Variants in CDH2 observed in about 807,000 individuals in gnomAD.
CDH2 encodes cadherin 2.
In CDH2, 17 loss-of-function variants were observed where a neutral mutation model predicts 92.0. That is an observed-to-expected ratio of 0.18 (90% CI 0.13 to 0.28). The LOEUF (loss-of-function observed/expected upper bound fraction) is 0.28. Among genes scored for constraint, CDH2 ranks in the 10% least tolerant of loss-of-function variants. The probability of loss-of-function intolerance (pLI) is 1.00; values close to 1 mark genes in which losing one functional copy is unlikely to be tolerated. For missense variants in CDH2, 862 were observed against 1,133.1 expected, an observed-to-expected ratio of 0.76 and a Z score of 3.44; for synonymous variants, 419 against 415.9, an observed-to-expected ratio of 1.01 and a Z score of -0.09.
At chr18:28,103,197 TTATATA>T (rs894555706) in intron 2 of CDH2, among the ~76,000 whole-genome samples, 1 of 144,588 alleles carries the variant, frequency 6.9e-6, no homozygotes, top group Non-Finnish European at 1.5e-5. Flanking sequence ...AAAAACTCCT[TTATATA>T]TATATAAAGT....
At chr18:28,172,491 A>G (rs1308854214) in intron 1 of CDH2, among the ~76,000 whole-genome samples, 3 of 152,154 alleles carry the variant, frequency 2.0e-5, no homozygotes, top group Non-Finnish European at 4.4e-5. Context: ...TCTTTTTCTG[A>G]AAAATTAAAA....
At chr18:28,113,053 A>G (rs2015438052) in intron 2 of CDH2, among the ~76,000 whole-genome samples, 1 of 152,174 alleles carries the variant, frequency 6.6e-6, no homozygotes, top group African/African-American at 2.4e-5. Flanking sequence ...ATCTCCTTTC[A>G]ATACAACTGA....
At chr18:28,115,592 A>T (rs963637232) in intron 2 of CDH2, among the ~76,000 whole-genome samples, 1 of 152,144 alleles carries the variant, frequency 6.6e-6, no homozygotes, top group Non-Finnish European at 1.5e-5. Flanking sequence ...CTGAGGATAG[A>T]CAGAAGATGG....
intron 1 of CDH2, among the ~76,000 whole-genome samples, chr18:28,175,681 G>A (rs1185191120): frequency 4.6e-5 from 7 of 152,182 alleles, no homozygotes; most frequent in Admixed American, 1.3e-4. Context: ...ACGGAGCGGG[G>A]TAATCCACAC....
At chr18:27,984,964 G>A (rs529051710) in intron 13 of CDH2, 36 bp downstream of exon 13, 18 of 1,519,646 alleles carry the variant, frequency 1.2e-5, no homozygotes, top group Middle Eastern at 1.7e-4. Context: ...TAGAAGCCAA[G>A]AGAACTGAAA....
intron 2 of CDH2, among the ~76,000 whole-genome samples, chr18:28,066,903 A>T (rs1273614149): frequency 6.6e-6 from 1 of 152,110 alleles, no homozygotes; most frequent in Non-Finnish European, 1.5e-5. Flanking sequence ...TTTAAGTAAA[A>T]CTCAAAATAA....
At chr18:28,103,171 T>C (rs924587846) in intron 2 of CDH2, among the ~76,000 whole-genome samples, 2 of 146,274 alleles carry the variant, frequency 1.4e-5, no homozygotes, top group African/African-American at 2.5e-5. Context: ...TTTATATATA[T>C]ATAAAGTATA....
chr18:27,938,679 A>G (rs1259424319), intron 6 of CDH2, among the ~76,000 whole-genome samples: 3 of 152,278 alleles, frequency 2.0e-5, no homozygotes, highest in African/African-American at 4.8e-5. Context: ...TATGTTCTAG[A>G]TATTTCCCTT....
At chr18:27,956,086 G>A (rs1250211985) in intron 15 of CDH2, among the ~76,000 whole-genome samples, 16 of 152,236 alleles carry the variant, frequency 1.1e-4, no homozygotes, top group African/African-American at 3.4e-4. Context: ...TAACAGGCAC[G>A]AAATCTGAGT....
intron 1 of CDH2, among the ~76,000 whole-genome samples, chr18:28,175,382 G>C (rs1249548634): frequency 3.3e-5 from 5 of 152,188 alleles, no homozygotes; most frequent in African/African-American, 1.2e-4. Context: ...AGAAATCCAA[G>C]AAAGGGAAAA....
chr18:28,071,211 G>A (rs1309454677), intron 2 of CDH2, among the ~76,000 whole-genome samples: 1 of 151,934 alleles, frequency 6.6e-6, no homozygotes, highest in African/African-American at 2.4e-5. Flanking sequence ...ACGGTTTTCT[G>A]CCAATTTTTG....
chr18:28,093,308 A>C (rs151097886), intron 2 of CDH2, among the ~76,000 whole-genome samples: 11 of 152,170 alleles, frequency 7.2e-5, no homozygotes, highest in African/African-American at 1.9e-4. Context: ...GATAAATAAA[A>C]ACAAAGCCCA....
intron 15 of CDH2, among the ~76,000 whole-genome samples, chr18:27,960,033 CACACACACACACACAA>C (rs957570541): frequency 5.9e-5 from 9 of 151,736 alleles, no homozygotes; most frequent in Non-Finnish European, 1.3e-4. Context: ...CACACACACA[CACACACACACACACAA>C]ACACACACTC....
At chr18:27,964,348 C>G (rs1016382170) in intron 14 of CDH2, among the ~76,000 whole-genome samples, 1 of 152,160 alleles carries the variant, frequency 6.6e-6, no homozygotes, top group African/African-American at 2.4e-5. Flanking sequence ...GCTCAGACAT[C>G]TGGACAGGAA....
At chr18:28,105,815 T>C (rs1377511099) in intron 2 of CDH2, among the ~76,000 whole-genome samples, 1 of 152,222 alleles carries the variant, frequency 6.6e-6, no homozygotes, top group Non-Finnish European at 1.5e-5. Context: ...CTAATACGTC[T>C]TACAAAGATG....
intron 14 of CDH2, among the ~76,000 whole-genome samples, chr18:27,971,163 G>A (rs1311231230): frequency 6.6e-6 from 1 of 152,022 alleles, no homozygotes; most frequent in African/African-American, 2.4e-5. Flanking sequence ...TTGAACCTGG[G>A]AGGCAGAGGT....
chr18:28,153,194 C>A (rs1051212612), intron 1 of CDH2, among the ~76,000 whole-genome samples: 1 of 152,042 alleles, frequency 6.6e-6, no homozygotes, highest in African/African-American at 2.4e-5. Flanking sequence ...GCATTCCAGG[C>A]AAAAGGTACA....
In CDH2 at chr18:28,080,749, A is replaced by C. The variant is rs17535964; in HGVS notation, c.173-66840T>G. ...TTCACTCAATCAGCTAATATTACTG[A>C]GCACCGTGGATCCTCAGTAACATTC... On this transcript the variant is annotated intron_variant, in intron 2 of 15. Transcript: ENST00000269141. Among the ~76,000 whole-genome samples the C allele has an allele frequency of 9.4e-3, 1,428 of 152,356 alleles. 32 individuals carry two copies. The highest frequency in any genetic ancestry group is 0.033 in the African/African-American group (1,366 of 41,576).
At chr18:28,140,824 C>CA (rs1188583907) in intron 2 of CDH2, among the ~76,000 whole-genome samples, 1 of 149,580 alleles carries the variant, frequency 6.7e-6, no homozygotes, top group Non-Finnish European at 1.5e-5. Context: ...TCTTACGACT[C>CA]AAAAACACAA....
Sources: allele counts gnomAD v4.1 joint callset (sites outside exome capture counted in the v4.1 genomes callset), GRCh38; gene constraint gnomAD v4.1.1; transcripts MANE v1.5; gene names NCBI Gene and HGNC (gene_info 2026-07-23, HGNC 2026-07-21).